Variants in SUMO3 observed in about 807,000 individuals in gnomAD.
The protein encoded by SUMO3 is small ubiquitin like modifier 3, also known as small ubiquitin-related modifier 3.
In SUMO3, 2 loss-of-function variants were observed where a neutral mutation model predicts 11.1. The observed-to-expected ratio is 0.18, with a 90% confidence interval of 0.07 to 0.57. The LOEUF is 0.57. Among genes scored for constraint, SUMO3 ranks in the 20% least tolerant of loss-of-function variants. SUMO3 has a pLI of 0.92. For synonymous variants in SUMO3, 56 were observed against 53.5 expected (o/e 1.05, Z -0.20); for missense variants, 70 against 132.8 (o/e 0.53, Z 2.32).
At chr21:44,808,073 TCA>T (rs1397378610) in intron 3 of SUMO3, among the ~76,000 whole-genome samples, 2 of 152,220 alleles carry the variant, frequency 1.3e-5, no homozygotes, top group African/African-American at 4.8e-5. Flanking sequence ...CAGTGGATTC[TCA>T]CAACATTGAA....
At position 44,810,994 on chromosome 21, in the gene SUMO3, C is replaced by CCACATATG. The variant is rs1569308215; in HGVS notation, c.151-1877_151-1876insCATATGTG. Reference sequence around the variant, plus strand: ...CCCATGCACACACCCATGCACACACCCACACATGCACACACCCACATATGC... The same window carrying CCACATATG: ...CCCATGCACACACCCATGCACACACCCACATATGCACACATGCACACACCCACATATGC... On this transcript the variant is annotated intron_variant, in intron 2 of 3. Transcript: ENST00000332859. This position sits in a 1 kb window ranked among gnomAD's most constrained non-coding sequence, Gnocchi z 4.1. Among the ~76,000 whole-genome samples, 3 of 122,026 alleles carry CCACATATG rather than the reference C, an allele frequency of 2.5e-5. No individual in the cohort carries two copies. Among genetic ancestry groups the CCACATATG allele is most frequent in the African/African-American group, 1.0e-4 (3 of 29,548 alleles). The allele number at this position is 122,026 out of a possible 152,430, so 80.1% of individuals were successfully genotyped here. A position where few individuals can be genotyped will look rare whatever the true frequency, so the allele number is the denominator to read the frequency against.
chr21:44,816,320 T>C (rs1372759693), intron 1 of SUMO3, among the ~76,000 whole-genome samples: 1 of 152,208 alleles, frequency 6.6e-6, no homozygotes, highest in Non-Finnish European at 1.5e-5. Flanking sequence ...TGGGAGAACT[T>C]TGACTTCACT....
At position 44,810,394 on chromosome 21, in the gene SUMO3, C is replaced by T. The variant is rs1220026835; in HGVS notation, c.151-1276G>A. Reference sequence around the variant, plus strand: ...ACTGGGCACGCCCCAACCTGTGAGGCAGAGCTGTGGCAGGCAGCTGATTCT... The same window carrying T: ...ACTGGGCACGCCCCAACCTGTGAGGTAGAGCTGTGGCAGGCAGCTGATTCT... On this transcript the variant is annotated intron_variant, in intron 2 of 3. Transcript: ENST00000332859. The surrounding 1 kb of genome is among the most constrained non-coding windows in gnomAD (Gnocchi z 4.1). 6.6e-6 allele frequency among the ~76,000 whole-genome samples: 1 copy of T among 152,144 alleles called. No homozygotes were observed. Among genetic ancestry groups the T allele is most frequent in the Non-Finnish European group, 1.5e-5 (1 of 68,012 alleles).
rs1239808055 is a variant in SUMO3 at position 44,810,097 on chromosome 21, G to A, written c.151-979C>T. Among the ~76,000 whole-genome samples, 1 of 152,222 alleles carries A rather than the reference G, an allele frequency of 6.6e-6. No homozygotes were observed. The highest frequency in any genetic ancestry group is 2.4e-5 in the African/African-American group (1 of 41,452). Reference sequence around the variant, plus strand: ...AGCACGCAGCCTTTCTGCGTCCTGAGGGAATGGAGAAATGTGGTCAGGGGC... The same window carrying A: ...AGCACGCAGCCTTTCTGCGTCCTGAAGGAATGGAGAAATGTGGTCAGGGGC... On this transcript the variant is annotated intron_variant, in intron 2 of 3. Coordinates refer to ENST00000332859, the MANE Select transcript of SUMO3 (RefSeq NM_006936.3). This position sits in a 1 kb window ranked among gnomAD's most constrained non-coding sequence, Gnocchi z 4.1.
chr21:44,812,057 T>C (rs1252065735), intron 2 of SUMO3, among the ~76,000 whole-genome samples: 5 of 122,260 alleles, frequency 4.1e-5, no homozygotes, highest in Non-Finnish European at 8.1e-5. Flanking sequence ...TCTCACCTTT[T>C]TTTTTTTTTT....
intron 1 of SUMO3, 71 bp from the exon 2 acceptor site, chr21:44,814,175 T>G (rs939653598): frequency 6.4e-7 from 1 of 1,574,368 alleles, no homozygotes; most frequent in African/African-American, 1.4e-5. Context: ...GGGCAAGTCT[T>G]TAGGTAATTG....
Position 44,807,100 on chromosome 21 carries a change from G to A in SUMO3, c.223-60C>T. 6.3e-7 allele frequency: 1 copy of A among 1,592,908 alleles called. No individual in the cohort carries two copies. The highest frequency in any genetic ancestry group is 8.6e-7 in the Non-Finnish European group (1 of 1,167,668). On this transcript the variant is annotated intron_variant, in intron 3 of 3. Coordinates refer to ENST00000332859, the MANE Select transcript of SUMO3 (RefSeq NM_006936.3). The surrounding 1 kb of genome is among the most constrained non-coding windows in gnomAD (Gnocchi z 4.3). ...GAGGGGAGCCTGTTAGTTTTCATCAGAGAGTGGGAAGATCCTCACTGGCAT... is the reference window on the plus strand; with the variant it reads ...GAGGGGAGCCTGTTAGTTTTCATCAAAGAGTGGGAAGATCCTCACTGGCAT...
chr21:44,814,462 G>A (rs972426567), intron 1 of SUMO3, among the ~76,000 whole-genome samples: 3 of 152,274 alleles, frequency 2.0e-5, no homozygotes, highest in Non-Finnish European at 4.4e-5. Flanking sequence ...AGTACTTTGG[G>A]AGTTGACGTG....
intron 2 of SUMO3, among the ~76,000 whole-genome samples, chr21:44,813,119 G>A (rs748400256): frequency 2.5e-4 from 38 of 152,252 alleles, no homozygotes; most frequent in Non-Finnish European, 5.1e-4. Flanking sequence ...AAGTGGGAGG[G>A]AAAGAGGAGG....
At chr21:44,812,370 A>G (rs1173012505) in intron 2 of SUMO3, among the ~76,000 whole-genome samples, 1 of 152,052 alleles carries the variant, frequency 6.6e-6, no homozygotes. Flanking sequence ...ATAAGCCACC[A>G]TGCCTGGTGA....
At chr21:44,815,015 C>T (rs1222477826) in intron 1 of SUMO3, among the ~76,000 whole-genome samples, 1 of 152,192 alleles carries the variant, frequency 6.6e-6, no homozygotes, top group African/African-American at 2.4e-5. Context: ...GGGATAAAGT[C>T]GTTTGTGAGT....
rs916106284 is a variant in SUMO3, at chr21:44,811,563, C to A, written c.150+2413G>T. Among the ~76,000 whole-genome samples the A allele has an allele frequency of 1.3e-5, 2 of 151,804 alleles. No homozygotes were observed. The highest frequency in any genetic ancestry group is 2.1e-4 in the South Asian group (1 of 4,802). ...CTCCAGCTTGGGGGACAGAGTGAGA[C>A]CCTGTCTCAAAAAAAATAAGTTGCT... On this transcript the variant is annotated intron_variant, in intron 2 of 3. Transcript: ENST00000332859. The surrounding 1 kb of genome is among the most constrained non-coding windows in gnomAD (Gnocchi z 5.0).
chr21:44,807,141 C>T lies in SUMO3; in HGVS notation c.223-101G>A. ...TCACTGGCATGAGTGTTCCCTGACA[C>T]TAGCGACATCACCTGGTCACACCTT... On this transcript the variant is annotated intron_variant, in intron 3 of 3. Coordinates refer to ENST00000332859, the MANE Select transcript of SUMO3 (RefSeq NM_006936.3). This position sits in a 1 kb window ranked among gnomAD's most constrained non-coding sequence, Gnocchi z 4.3. 1 of 1,413,428 alleles carries T rather than the reference C, an allele frequency of 7.1e-7. No individual in the cohort carries two copies. The highest frequency in any genetic ancestry group is 1.3e-5 in the South Asian group (1 of 77,014). The allele number at this position is 1,413,428 out of a possible 1,614,324, so 87.6% of individuals were successfully genotyped here. A position where few individuals can be genotyped will look rare whatever the true frequency, so the allele number is the denominator to read the frequency against.
At position 44,805,984 on chromosome 21, in the gene SUMO3, C is replaced by T. The variant is rs553270862; in HGVS notation, c.*967G>A. 19 of 152,348 alleles carry T rather than the reference C, an allele frequency of 1.2e-4. No homozygotes were observed. In the East Asian group the frequency reaches 3.3e-3, roughly 26 times the overall value. The allele number at this position is 152,348 out of a possible 1,614,324, so 9.4% of individuals were successfully genotyped here. On this transcript the variant is annotated 3_prime_UTR_variant, in exon 4 of 4. Transcript: ENST00000332859. ...GCACGGCACAAACCCACGAGAAGAA[C>T]ATGAAGTCATCATTCCATGGGTTCA... is the stretch of plus-strand genomic sequence containing the variant.
intron 1 of SUMO3, 103 bp downstream of exon 1, chr21:44,817,845 T>C (rs1198967988): frequency 0.042 from 4 of 96 alleles, no homozygotes; most frequent in African/African-American, 0.1. Flanking sequence ...GGGCGGAGCC[T>C]GTCAGGGGCG....
Position 44,810,045 on chromosome 21 carries a change from G to C in SUMO3, c.151-927C>G, listed in dbSNP as rs150804515. On this transcript the variant is annotated intron_variant, in intron 2 of 3. Coordinates refer to ENST00000332859, the MANE Select transcript of SUMO3 (RefSeq NM_006936.3). This position sits in a 1 kb window ranked among gnomAD's most constrained non-coding sequence, Gnocchi z 4.1. ...GGGGAGCAGTTACCACCATGACTTT[G>C]GCCTTGAGGAGGGCAGCAGGAAGGA... Among the ~76,000 whole-genome samples the C allele has an allele frequency of 1.1e-3, 166 of 152,304 alleles. No individual in the cohort carries two copies. In the Middle Eastern group the frequency reaches 0.02, roughly 19 times the overall value.
At position 44,811,936 on chromosome 21, in the gene SUMO3, C is replaced by T. The variant is rs895884682; in HGVS notation, c.150+2040G>A. Among the ~76,000 whole-genome samples the T allele has an allele frequency of 2.0e-5, 3 of 152,126 alleles. No individual in the cohort carries two copies. The highest frequency in any genetic ancestry group is 4.4e-5 in the Non-Finnish European group (3 of 68,026). On this transcript the variant is annotated intron_variant, in intron 2 of 3. Coordinates refer to ENST00000332859, the MANE Select transcript of SUMO3 (RefSeq NM_006936.3). The surrounding 1 kb of genome is among the most constrained non-coding windows in gnomAD (Gnocchi z 5.0). Reference sequence around the variant, plus strand: ...CCCAGCAGCATGAGTGAGAAAATCACCCACCTCTGAGGCACATAAGGAAAC... The same window carrying T: ...CCCAGCAGCATGAGTGAGAAAATCATCCACCTCTGAGGCACATAAGGAAAC...
At chr21:44,813,690 T>C (rs987967356) in intron 2 of SUMO3, 9 of 852,042 alleles carry the variant, frequency 1.1e-5, no homozygotes, top group Non-Finnish European at 1.4e-5. Context: ...CAGATGTTAG[T>C]ACCCCATGGA....
intron 1 of SUMO3, among the ~76,000 whole-genome samples, chr21:44,816,081 G>C (rs1017248478): frequency 6.6e-6 from 1 of 152,194 alleles, no homozygotes; most frequent in African/African-American, 2.4e-5. Context: ...GGGCCTGTGA[G>C]GTGGCAGCCA....
Sources: gnomAD v4.1 joint callset for allele counts (sites outside exome capture counted in the v4.1 genomes callset) on GRCh38, gnomAD v4.1.1 for gene constraint, Gnocchi (gnomAD v3.1) non-coding constraint, MANE v1.5 for transcripts, NCBI Gene and HGNC (gene_info 2026-07-23, HGNC 2026-07-21) for gene names.